KCNIP2: variants seen among roughly 807,000 people sequenced by gnomAD.
KCNIP2 encodes potassium voltage-gated channel interacting protein 2.
A neutral mutation model predicts 39.0 loss-of-function variants in KCNIP2; 19 were observed. The ratio of observed to expected loss-of-function variants is 0.49; its 90% confidence interval spans 0.34 to 0.71. The LOEUF is 0.71. Among genes scored for constraint, KCNIP2 ranks in the 30% least tolerant of loss-of-function variants. The pLI, the probability that KCNIP2 is intolerant of heterozygous loss-of-function variation, is 0.01. For missense variants in KCNIP2, 261 were observed against 346.0 expected, an observed-to-expected ratio of 0.75 and a Z score of 1.95; for synonymous variants, 111 against 131.2, an observed-to-expected ratio of 0.85 and a Z score of 1.05.
chr10:101,840,039 G>A (rs954114576), intron 1 of KCNIP2, among the ~76,000 whole-genome samples: 1 of 82,074 alleles, frequency 1.2e-5, no homozygotes, highest in Non-Finnish European at 2.3e-5. Flanking sequence ...TGAAGCAGCC[G>A]CCCCCAAAGT....
chr10:101,832,295 A>AGTGT (rs2066016340), intron 1 of KCNIP2, among the ~76,000 whole-genome samples: 1 of 98,664 alleles, frequency 1.0e-5, no homozygotes, highest in African/African-American at 4.5e-5. Context: ...CCTCAGTGTT[A>AGTGT]CTGTGTGTGT....
chr10:101,827,645 G>C (rs2065786442), intron 9 of KCNIP2, 44 bp downstream of exon 9: 1 of 1,608,090 alleles, frequency 6.2e-7, no homozygotes, highest in Non-Finnish European at 8.5e-7. Context: ...ACTAAATCAG[G>C]CCTGAGTCCA....
At chr10:101,827,462 AC>A in intron 9 of KCNIP2, 62 bp from the exon 10 acceptor site, 1 of 1,530,040 alleles carries the variant, frequency 6.5e-7, no homozygotes, top group South Asian at 1.2e-5. Flanking sequence ...CTTATCAGAG[AC>A]AGTGAGAGGG....
intron 1 of KCNIP2, among the ~76,000 whole-genome samples, chr10:101,837,582 C>T (rs1025964481): frequency 6.6e-6 from 1 of 152,108 alleles, no homozygotes. Context: ...GGCAGAATTG[C>T]TTGAACCTGG....
chr10:101,827,632 A>G (rs747375622), intron 9 of KCNIP2, 57 bp downstream of exon 9: 1 of 1,592,654 alleles, frequency 6.3e-7, no homozygotes, highest in Non-Finnish European at 8.6e-7. Context: ...TTTTCCCTGC[A>G]TTACTAAATC....
rs1175236542 is a variant in KCNIP2 at position 101,827,100 on chromosome 10, C to T, written c.*253G>A. 2 of 825,816 alleles carry T rather than the reference C, an allele frequency of 2.4e-6. No individual in the cohort carries two copies. The highest frequency in any genetic ancestry group is 4.8e-5 in the South Asian group (1 of 20,748). The allele number at this position is 825,816 out of a possible 1,614,324, so 51.2% of individuals were successfully genotyped here. Reference sequence around the variant, plus strand: ...TCAATTCCTACAGGAGGGGCACTCTCAACACTGGGTGTCAGGCAGGAAGGG... The same window carrying T: ...TCAATTCCTACAGGAGGGGCACTCTTAACACTGGGTGTCAGGCAGGAAGGG... On this transcript the variant is annotated 3_prime_UTR_variant, in exon 10 of 10. Coordinates refer to ENST00000356640, the MANE Select transcript of KCNIP2 (RefSeq NM_173191.3).
intron 1 of KCNIP2, among the ~76,000 whole-genome samples, chr10:101,837,116 A>C (rs2066186455): frequency 6.6e-6 from 1 of 152,188 alleles, no homozygotes; most frequent in South Asian, 2.1e-4. Flanking sequence ...ATCTCAAAAT[A>C]AACAAATAAA....
In KCNIP2 at chr10:101,827,948, A is replaced by T. The variant is rs1185283889; in HGVS notation, c.643T>A (p.Tyr215Asn). Residue 215 changes from tyrosine to asparagine, a missense_variant, in exon 8 of 10, where the codon TAC becomes AAC. Transcript: ENST00000356640. ...TCCTCCCGGAGTGCAGGGTACGTGTACTTGCCCATCATGTCATAGATGGAC... is the reference window on the plus strand; with the variant it reads ...TCCTCCCGGAGTGCAGGGTACGTGTTCTTGCCCATCATGTCATAGATGGAC... ...MKSIYDMMGK[Y>N]TYPALREEAP... The T allele has an allele frequency of 6.2e-7, 1 of 1,614,042 alleles. No individual in the cohort carries two copies. Among genetic ancestry groups the T allele is most frequent in the South Asian group, 1.1e-5 (1 of 91,074 alleles).
chr10:101,830,769 T>G (rs1431104204), intron 2 of KCNIP2, among the ~76,000 whole-genome samples: 4 of 120,074 alleles, frequency 3.3e-5, no homozygotes, highest in East Asian at 4.9e-4. Context: ...CGCCTCCCCA[T>G]ACACACACAC....
intron 1 of KCNIP2, among the ~76,000 whole-genome samples, chr10:101,837,595 G>A (rs1367201791): frequency 6.6e-6 from 1 of 152,160 alleles, no homozygotes; most frequent in Non-Finnish European, 1.5e-5. Flanking sequence ...GAACCTGGGA[G>A]GCGGAGGTTG....
At chr10:101,842,769 G>A (rs2066370448) in intron 1 of KCNIP2, among the ~76,000 whole-genome samples, 1 of 152,178 alleles carries the variant, frequency 6.6e-6, no homozygotes. Context: ...AGAGGCAGCA[G>A]GGATGAGACA....
At chr10:101,830,417 CACTA>C in intron 2 of KCNIP2, 2 of 1,293,996 alleles carry the variant, frequency 1.5e-6, no homozygotes, top group Non-Finnish European at 2.0e-6. Flanking sequence ...GAGTTGAAGA[CACTA>C]ACCCAGCTAA....
At chr10:101,832,295 ACT>A (rs1491312730) in intron 1 of KCNIP2, among the ~76,000 whole-genome samples, 2 of 98,734 alleles carry the variant, frequency 2.0e-5, no homozygotes, top group Middle Eastern at 5.1e-3. Context: ...CCTCAGTGTT[ACT>A]GTGTGTGTGT....
At chr10:101,839,924 G>A in intron 1 of KCNIP2, 2 of 1,385,032 alleles carry the variant, frequency 1.4e-6, no homozygotes, top group South Asian at 1.4e-5. Context: ...GTAGGCCCGC[G>A]TGGGCGGCGC....
chr10:101,830,595 C>G (rs1472133746), intron 2 of KCNIP2, among the ~76,000 whole-genome samples: 1 of 151,428 alleles, frequency 6.6e-6, no homozygotes, highest in Non-Finnish European at 1.5e-5. Context: ...CCCACACACG[C>G]TGGCTTCAGC....
At chr10:101,830,681 CCACA>C (rs61337190) in intron 2 of KCNIP2, among the ~76,000 whole-genome samples, 6,037 of 145,140 alleles carry the variant, frequency 0.042, 152 homozygotes, top group Middle Eastern at 0.061. Flanking sequence ...CTGGTCACGC[CCACA>C]CACACACACA....
chr10:101,831,645 C>T (rs2065995720), intron 1 of KCNIP2, among the ~76,000 whole-genome samples: 1 of 152,046 alleles, frequency 6.6e-6, no homozygotes. Flanking sequence ...AATATGCATG[C>T]TCACACACAC....
chr10:101,843,352 G>A lies in KCNIP2; in HGVS notation c.73+144C>T. 2 of 467,154 alleles carry A rather than the reference G, an allele frequency of 4.3e-6. No homozygotes were observed. Among genetic ancestry groups the A allele is most frequent in the Non-Finnish European group, 7.4e-6 (2 of 270,872 alleles). The allele number at this position is 467,154 out of a possible 1,614,324, so 28.9% of individuals were successfully genotyped here. A position where few individuals can be genotyped will look rare whatever the true frequency, so the allele number is the denominator to read the frequency against. On this transcript the variant is annotated intron_variant, in intron 1 of 9. Coordinates refer to ENST00000356640, the MANE Select transcript of KCNIP2 (RefSeq NM_173191.3). This position sits in a 1 kb window ranked among gnomAD's most constrained non-coding sequence, Gnocchi z 6.7. ...CGGGACCCAAGGCTTTGAACCCCCA[G>A]TGTCCTGCCGCCCAGACCGGCCATA...
chr10:101,839,269 A>G lies in KCNIP2; in HGVS notation c.73+4227T>C, dbSNP rs182619854. ...TAAGCCACACAAGTCTATCAGTCCCATGTCATGTATGAACTTGCTAGCTGA... is the reference window on the plus strand; with the variant it reads ...TAAGCCACACAAGTCTATCAGTCCCGTGTCATGTATGAACTTGCTAGCTGA... On this transcript the variant is annotated intron_variant, in intron 1 of 9. Transcript: ENST00000356640. 1.5e-3 allele frequency among the ~76,000 whole-genome samples: 222 copies of G among 152,304 alleles called. 2 individuals are homozygous for G. The highest frequency in any genetic ancestry group is 5.2e-3 in the African/African-American group (215 of 41,568).
Sources: gnomAD v4.1 joint callset for allele counts (sites outside exome capture counted in the v4.1 genomes callset) on GRCh38, gnomAD v4.1.1 for gene constraint, Gnocchi (gnomAD v3.1) non-coding constraint, MANE v1.5 for transcripts, NCBI Gene and HGNC (gene_info 2026-07-23, HGNC 2026-07-21) for gene names.